PPM1B: variants seen among roughly 807,000 people sequenced by gnomAD.
PPM1B encodes protein phosphatase 1B.
In PPM1B, 22 loss-of-function variants were observed where a neutral mutation model predicts 43.0. That is an observed-to-expected ratio of 0.51 (90% CI 0.37 to 0.73). The LOEUF (loss-of-function observed/expected upper bound fraction) is 0.73. Among genes scored for constraint, PPM1B ranks in the 30% least tolerant of loss-of-function variants. The pLI, the probability that PPM1B is intolerant of heterozygous loss-of-function variation, is 0.00. For synonymous variants in PPM1B, 217 were observed against 197.9 expected (o/e 1.10, Z -0.81); for missense variants, 632 against 584.2 (o/e 1.08, Z -0.84).
intron 1 of PPM1B, among the ~76,000 whole-genome samples, chr2:44,176,503 A>G (rs181532613): frequency 6.6e-6 from 1 of 152,178 alleles, no homozygotes; most frequent in East Asian, 1.9e-4. Context: ...CTCCTTCCAT[A>G]GCTTTGTTGT....
chr2:44,209,071 T>G, intron 2 of PPM1B, 139 bp from the exon 3 acceptor site: 1 of 735,466 alleles, frequency 1.4e-6, no homozygotes, highest in South Asian at 2.4e-5. Flanking sequence ...TTTTAGTAAT[T>G]CATTGGAATA....
At chr2:44,221,536 G>C (rs532064853) in intron 5 of PPM1B, among the ~76,000 whole-genome samples, 1 of 152,270 alleles carries the variant, frequency 6.6e-6, no homozygotes, top group South Asian at 2.1e-4. Flanking sequence ...ATGAAAGTAT[G>C]CTAGAATTAC....
chr2:44,221,943 C>T (rs928834276), intron 5 of PPM1B, among the ~76,000 whole-genome samples: 2 of 151,648 alleles, frequency 1.3e-5, no homozygotes, highest in Admixed American at 6.6e-5. Context: ...GAATGTGTTC[C>T]ATCTTCTTAC....
Position 44,204,891 on chromosome 2 carries a change from C to T in PPM1B, c.846+2846C>T, listed in dbSNP as rs561133523. 4.9e-5 allele frequency among the ~76,000 whole-genome samples: 7 copies of T among 142,758 alleles called. No homozygotes were observed. The South Asian group carries it at 1.5e-3, about 31-fold the overall frequency. The allele number at this position is 142,758 out of a possible 152,430, so 93.7% of individuals were successfully genotyped here. On this transcript the variant is annotated intron_variant, in intron 2 of 5. Coordinates refer to ENST00000282412, the MANE Select transcript of PPM1B (RefSeq NM_002706.6). ...AAAAAAAAAAAAAAAAAAAGATAAGCATTTTTCAGGGTTGCCAGTTAATAT... is the reference window on the plus strand; with the variant it reads ...AAAAAAAAAAAAAAAAAAAGATAAGTATTTTTCAGGGTTGCCAGTTAATAT...
chr2:44,224,122 G>T (rs1670104462), intron 5 of PPM1B, among the ~76,000 whole-genome samples: 1 of 152,062 alleles, frequency 6.6e-6, no homozygotes, highest in African/African-American at 2.4e-5. Flanking sequence ...TTTTACTAGT[G>T]TTTACTTTTT....
chr2:44,196,352 TATG>T (rs1416317945), intron 1 of PPM1B, among the ~76,000 whole-genome samples: 1 of 152,182 alleles, frequency 6.6e-6, no homozygotes, highest in East Asian at 1.9e-4. Context: ...ATGCTTTTCT[TATG>T]ATTAGACTGG....
chr2:44,235,794 G>T (rs1456269741), downstream of PPM1B, among the ~76,000 whole-genome samples: 3 of 151,850 alleles, frequency 2.0e-5, no homozygotes, highest in Admixed American at 2.0e-4. Flanking sequence ...AGCTAGTTGG[G>T]AAACTGAGGC....
intron 2 of PPM1B, among the ~76,000 whole-genome samples, chr2:44,206,423 G>A (rs563199853): frequency 3.3e-5 from 5 of 152,250 alleles, no homozygotes; most frequent in African/African-American, 1.2e-4. Context: ...AGGCAAGGTG[G>A]CTAAGAAGCA....
downstream of PPM1B, chr2:44,234,446 G>A (rs1341743312): frequency 1.8e-5 from 12 of 668,274 alleles, no homozygotes; most frequent in Admixed American, 6.4e-5. Context: ...TTGAACCCAG[G>A]AGGCGGAGGT....
intron 1 of PPM1B, among the ~76,000 whole-genome samples, chr2:44,180,952 GTGTTT>G (rs1040413139): frequency 2.6e-5 from 4 of 151,992 alleles, no homozygotes; most frequent in African/African-American, 9.7e-5. Context: ...GGTGGAAGAA[GTGTTT>G]TGTTTTGTTT....
At chr2:44,188,083 C>G (rs1399053774) in intron 1 of PPM1B, among the ~76,000 whole-genome samples, 2 of 152,144 alleles carry the variant, frequency 1.3e-5, no homozygotes, top group East Asian at 3.8e-4. Flanking sequence ...GATACACAGT[C>G]CAGGAGATTG....
chr2:44,244,559 A>C (rs1294144586), downstream of PPM1B: 1 of 228,270 alleles, frequency 4.4e-6, no homozygotes, highest in Non-Finnish European at 7.2e-6. Context: ...GGCAGGCTTT[A>C]ATCTGGCGTT....
intron 1 of PPM1B, among the ~76,000 whole-genome samples, chr2:44,185,539 G>A (rs1186577876): frequency 1.3e-5 from 2 of 152,176 alleles, no homozygotes. Flanking sequence ...AGAGGGGTAA[G>A]TTACACTGTT....
At chr2:44,224,554 T>A (rs1670129401) in intron 5 of PPM1B, among the ~76,000 whole-genome samples, 1 of 152,110 alleles carries the variant, frequency 6.6e-6, no homozygotes, top group South Asian at 2.1e-4. Context: ...TTTTATTTTT[T>A]AAAATGTGCT....
chr2:44,171,760 G>T (rs1364042723), intron 1 of PPM1B, among the ~76,000 whole-genome samples: 1 of 151,120 alleles, frequency 6.6e-6, no homozygotes, highest in Non-Finnish European at 1.5e-5. Context: ...GACTCACGAG[G>T]TGGAGGTTGC....
intron 2 of PPM1B, among the ~76,000 whole-genome samples, chr2:44,203,033 A>G (rs1669011967): frequency 6.6e-6 from 1 of 152,214 alleles, no homozygotes; most frequent in African/African-American, 2.4e-5. Flanking sequence ...GAACCACTGT[A>G]TCTCCCTACT....
chr2:44,226,357 T>A (rs986960426), intron 5 of PPM1B, among the ~76,000 whole-genome samples: 4 of 152,204 alleles, frequency 2.6e-5, no homozygotes, highest in Non-Finnish European at 5.9e-5. Flanking sequence ...ATTAATAATG[T>A]AAGTGTCAGT....
At chr2:44,244,509 C>A, downstream of PPM1B, 1 of 659,356 alleles carries the variant, frequency 1.5e-6, no homozygotes, top group Non-Finnish European at 2.0e-6. Flanking sequence ...GGCTTCTTGG[C>A]AGCACTTTTG....
At chr2:44,183,245 C>G (rs762196616) in intron 1 of PPM1B, among the ~76,000 whole-genome samples, 1 of 152,208 alleles carries the variant, frequency 6.6e-6, no homozygotes, top group Non-Finnish European at 1.5e-5. Flanking sequence ...GCTGTGACCA[C>G]CACTACCATC....
Sources: gnomAD v4.1 joint callset for allele counts (sites outside exome capture counted in the v4.1 genomes callset) on GRCh38, gnomAD v4.1.1 for gene constraint, MANE v1.5 for transcripts, NCBI Gene and HGNC (gene_info 2026-07-23, HGNC 2026-07-21) for gene names.